The following RHO variants were observed in gnomAD, a reference collection of about 807,000 sequenced individuals.
The protein encoded by RHO is opsin 2, rod pigment.
A neutral mutation model predicts 31.2 loss-of-function variants in RHO; 21 were observed. The ratio of observed to expected loss-of-function variants is 0.67; its 90% confidence interval spans 0.48 to 0.97. The LOEUF (loss-of-function observed/expected upper bound fraction) is 0.97. Ranked by LOEUF, RHO falls within the 50% of genes least tolerant of loss-of-function variation. The pLI, the probability that RHO is intolerant of heterozygous loss-of-function variation, is 0.00. For missense variants in RHO, 414 were observed against 479.5 expected, an observed-to-expected ratio of 0.86 and a Z score of 1.28; for synonymous variants, 211 against 196.6, an observed-to-expected ratio of 1.07 and a Z score of -0.61.
At chr3:129,531,105 G>A in intron 2 of RHO, 61 bp downstream of exon 2, 1 of 1,587,018 alleles carries the variant, frequency 6.3e-7, no homozygotes, top group Non-Finnish European at 8.6e-7. Flanking sequence ...CCTCCAGTCA[G>A]GACTCAAACC....
Position 129,529,006 on chromosome 3 carries a change from C to T in RHO, c.273C>T (p.Phe91=). The T allele has an allele frequency of 1.9e-6, 3 of 1,614,218 alleles. No individual in the cohort carries two copies. The highest frequency in any genetic ancestry group is 4.5e-5 in the East Asian group (2 of 44,872). The change falls in exon 1 of 5, where the codon TTC becomes TTT. Residue 91 remains phenylalanine, a synonymous_variant. Coordinates refer to ENST00000296271, the MANE Select transcript of RHO (RefSeq NM_000539.3). The part of the protein sequence containing the change: ...VADLFMVLGG[F]TSTLYTSLHG... ...ACCTCTTCATGGTCCTAGGTGGCTT[C>T]ACCAGCACCCTCTACACCTCTCTGC...
In RHO at chr3:129,532,814, A is replaced by G; in HGVS notation, c.936+42A>G. On this transcript the variant is annotated intron_variant, in intron 4 of 4. Coordinates refer to ENST00000296271, the MANE Select transcript of RHO (RefSeq NM_000539.3). The surrounding 1 kb of genome is among the most constrained non-coding windows in gnomAD (Gnocchi z 5.5). ...GGAGGGCCCCAGTGCCCCAGGCCAC[A>G]GGCGCTGCCTGCCAAGGACAAGCTA... The G allele has an allele frequency of 6.2e-7, 1 of 1,611,796 alleles. No homozygotes were observed. Among genetic ancestry groups the G allele is most frequent in the Non-Finnish European group, 8.5e-7 (1 of 1,179,874 alleles).
At position 129,533,889 on chromosome 3, in the gene RHO, C is replaced by T; in HGVS notation, c.*171C>T. 1 of 571,366 alleles carries T rather than the reference C, an allele frequency of 1.8e-6. No individual in the cohort carries two copies. The highest frequency in any genetic ancestry group is 2.1e-5 in the South Asian group (1 of 48,102). The allele number at this position is 571,366 out of a possible 1,614,324, so 35.4% of individuals were successfully genotyped here. A position where few individuals can be genotyped will look rare whatever the true frequency, so the allele number is the denominator to read the frequency against. ...ATAATTAATGAGGCTCCTCACTCACCTGGGACAGCCTGAGAAGGGACATCC... is the reference window on the plus strand; with the variant it reads ...ATAATTAATGAGGCTCCTCACTCACTTGGGACAGCCTGAGAAGGGACATCC... On this transcript the variant is annotated 3_prime_UTR_variant, in exon 5 of 5. Coordinates refer to ENST00000296271, the MANE Select transcript of RHO (RefSeq NM_000539.3).
rs1238730903 is a variant in RHO at position 129,533,858 on chromosome 3, T to A, written c.*140T>A. 3.6e-5 allele frequency: 21 copies of A among 576,234 alleles called. No individual in the cohort carries two copies. Among genetic ancestry groups the A allele is most frequent in the Non-Finnish European group, 6.0e-5 (20 of 331,702 alleles). The allele number at this position is 576,234 out of a possible 1,614,324, so 35.7% of individuals were successfully genotyped here. On this transcript the variant is annotated 3_prime_UTR_variant, in exon 5 of 5. Transcript: ENST00000296271. ...GGCTCCTTAATTTTTTTTTTTTTTTTAAGAAATAATTAATGAGGCTCCTCA... is the reference window on the plus strand; with the variant it reads ...GGCTCCTTAATTTTTTTTTTTTTTTAAAGAAATAATTAATGAGGCTCCTCA...
At chr3:129,530,371 G>A (rs533370883) in intron 1 of RHO, among the ~76,000 whole-genome samples, 5 of 152,156 alleles carry the variant, frequency 3.3e-5, no homozygotes, top group South Asian at 4.2e-4. Flanking sequence ...CCTAGGAGAG[G>A]CCCCCACATG....
At chr3:129,533,575 C>A in intron 4 of RHO, 33 bp from the exon 5 acceptor site, 1 of 1,504,316 alleles carries the variant, frequency 6.6e-7, no homozygotes, top group Non-Finnish European at 9.3e-7. Flanking sequence ...CTGTGGGCAG[C>A]CCTGGCCCTG....
chr3:129,529,876 A>T (rs964339101), intron 1 of RHO, among the ~76,000 whole-genome samples: 2 of 152,184 alleles, frequency 1.3e-5, no homozygotes, highest in African/African-American at 2.4e-5. Flanking sequence ...TCATTTAGGG[A>T]TGTGGCCAGG....
chr3:129,530,852 G>C, intron 1 of RHO, 24 bp from the exon 2 acceptor site: 3 of 1,614,176 alleles, frequency 1.9e-6, no homozygotes, highest in Non-Finnish European at 2.5e-6. Flanking sequence ...GGTCTGTGCT[G>C]ACCGCCTGCT....
rs747643955 is a variant in RHO at position 129,530,894 on chromosome 3, CCT to C, written c.381_382del (p.Leu128GlyfsTer13). On this transcript the variant is annotated frameshift_variant, in exon 2 of 5. Transcript: ENST00000296271. LOFTEE classifies it high-confidence loss of function. The stretch of plus-strand genomic sequence containing the variant: ...CTTGCAGGTGAAATTGCCCTGTGGT[CCT>C]TGGTGGTCCTGGCCATCGAGCGGTA... 1.2e-6 allele frequency: 2 copies of C among 1,614,252 alleles called. No individual in the cohort carries two copies. Among genetic ancestry groups the C allele is most frequent in the South Asian group, 2.2e-5 (2 of 91,088 alleles).
At position 129,529,168 on chromosome 3, in the gene RHO, C is replaced by A; in HGVS notation, c.361+74C>A. The A allele has an allele frequency of 2.0e-6, 3 of 1,535,422 alleles. No homozygotes were observed. The South Asian group carries it at 3.6e-5, about 19-fold the overall frequency. On this transcript the variant is annotated intron_variant, in intron 1 of 4. Transcript: ENST00000296271. Reference sequence around the variant, plus strand: ...GGGTCTGGGAGAGTCCCGGGCTTGGCGGTGGTGGCTGAGAGGCCTTCTCCC... The same window carrying A: ...GGGTCTGGGAGAGTCCCGGGCTTGGAGGTGGTGGCTGAGAGGCCTTCTCCC...
In RHO at chr3:129,532,634, G is replaced by A. The variant is rs1399379654; in HGVS notation, c.798G>A (p.Val266=). The A allele has an allele frequency of 1.9e-6, 3 of 1,614,108 alleles. No individual in the cohort carries two copies. In the African/African-American group the frequency reaches 4.0e-5, roughly 22 times the overall value. ...IMVIAFLICW[V]PYASVAFYIF... is the part of the protein sequence containing the mutation. The stretch of plus-strand genomic sequence containing the variant: ...TCATCGCTTTCCTGATCTGCTGGGT[G>A]CCCTACGCCAGCGTGGCATTCTACA... The change falls in exon 4 of 5, where the codon GTG becomes GTA. Residue 266 remains valine (V), a synonymous_variant. Coordinates refer to ENST00000296271, the MANE Select transcript of RHO (RefSeq NM_000539.3). The surrounding 1 kb of genome is among the most constrained non-coding windows in gnomAD (Gnocchi z 5.5).
chr3:129,529,459 ACCAAG>A (rs1056834120), intron 1 of RHO, among the ~76,000 whole-genome samples: 30 of 152,212 alleles, frequency 2.0e-4, no homozygotes, highest in African/African-American at 7.2e-4. Context: ...TGTTTGCAGC[ACCAAG>A]CCTCTGTTTC....
chr3:129,532,879 G>A lies in RHO; in HGVS notation c.936+107G>A. 1.3e-6 allele frequency: 2 copies of A among 1,484,778 alleles called. No homozygotes were observed. The highest frequency in any genetic ancestry group is 1.1e-5 in the South Asian group (1 of 87,720). The allele number at this position is 1,484,778 out of a possible 1,614,324, so 92.0% of individuals were successfully genotyped here. A position where few individuals can be genotyped will look rare whatever the true frequency, so the allele number is the denominator to read the frequency against. ...GGAGGGGGCTCCATCAGGGTTACTG[G>A]CAGCAGTCTTGGGTCAGCAGTCCCA... On this transcript the variant is annotated intron_variant, in intron 4 of 4. Transcript: ENST00000296271. The surrounding 1 kb of genome is among the most constrained non-coding windows in gnomAD (Gnocchi z 5.5).
Position 129,532,432 on chromosome 3 carries a change from T to G in RHO, c.696+16T>G, listed in dbSNP as rs2108750401. Reference sequence around the variant, plus strand: ...CGTCAAGGAGGTACGGGCCGGGGGGTGGGCGGCCTCACGGCTCTGAGGGTC... The same window carrying G: ...CGTCAAGGAGGTACGGGCCGGGGGGGGGGCGGCCTCACGGCTCTGAGGGTC... On this transcript the variant is annotated intron_variant, in intron 3 of 4. Transcript: ENST00000296271. This position sits in a 1 kb window ranked among gnomAD's most constrained non-coding sequence, Gnocchi z 5.5. 2 of 1,612,828 alleles carry G rather than the reference T, an allele frequency of 1.2e-6. No homozygotes were observed. The highest frequency in any genetic ancestry group is 2.2e-5 in the East Asian group (1 of 44,812).
rs921675840 is a variant in RHO, at chr3:129,532,180, AGCGCTCG to A, written c.531-68_531-62del. On this transcript the variant is annotated intron_variant, in intron 2 of 4. Coordinates refer to ENST00000296271, the MANE Select transcript of RHO (RefSeq NM_000539.3). This position sits in a 1 kb window ranked among gnomAD's most constrained non-coding sequence, Gnocchi z 5.5. ...GGAATGTGAAGCCCCAGAAAGGGCC[AGCGCTCG>A]GCAGCCACCTTGGCTGTTCCCAAGT... 101 of 1,292,970 alleles carry A rather than the reference AGCGCTCG, an allele frequency of 7.8e-5. No individual in the cohort carries two copies. Among genetic ancestry groups the A allele is most frequent in the Non-Finnish European group, 1.0e-4 (90 of 889,454 alleles). The allele number at this position is 1,292,970 out of a possible 1,614,324, so 80.1% of individuals were successfully genotyped here.
chr3:129,532,817 C>A lies in RHO; in HGVS notation c.936+45C>A. On this transcript the variant is annotated intron_variant, in intron 4 of 4. Transcript: ENST00000296271. The surrounding 1 kb of genome is among the most constrained non-coding windows in gnomAD (Gnocchi z 5.5). ...GGGCCCCAGTGCCCCAGGCCACAGG[C>A]GCTGCCTGCCAAGGACAAGCTACTT... 1 of 1,611,110 alleles carries A rather than the reference C, an allele frequency of 6.2e-7. No individual in the cohort carries two copies. Among genetic ancestry groups the A allele is most frequent in the Non-Finnish European group, 8.5e-7 (1 of 1,179,780 alleles).
Position 129,528,952 on chromosome 3 carries a change from C to A in RHO, c.219C>A (p.Asn73Lys), listed in dbSNP as rs374902462. 105 of 1,614,146 alleles carry A rather than the reference C, an allele frequency of 6.5e-5. No homozygotes were observed. Among genetic ancestry groups the A allele is most frequent in the Non-Finnish European group, 8.4e-5 (99 of 1,180,050 alleles). The part of the protein sequence containing the change: ...VQHKKLRTPL[N>K]YILLNLAVAD... ...ACAAGAAGCTGCGCACGCCTCTCAACTACATCCTGCTCAACCTAGCCGTGG... is the reference window on the plus strand; with the variant it reads ...ACAAGAAGCTGCGCACGCCTCTCAAATACATCCTGCTCAACCTAGCCGTGG... Residue 73 changes from asparagine to lysine, a missense_variant, in exon 1 of 5, where the codon AAC becomes AAA. By Grantham distance (94) the Asn-to-Lys change is moderately conservative (BLOSUM62 0). Coordinates refer to ENST00000296271, the MANE Select transcript of RHO (RefSeq NM_000539.3).
rs139731264 is a variant in RHO, at chr3:129,531,031, G to A, written c.517G>A (p.Ala173Thr). The A allele has an allele frequency of 6.9e-5, 111 of 1,613,870 alleles. No individual in the cohort carries two copies. The African/African-American group carries it at 1.1e-3, about 15-fold the overall frequency. The change falls in exon 2 of 5, where the codon GCC becomes ACC. Residue 173 changes from alanine (A) to threonine (T), a missense_variant. Transcript: ENST00000296271. ...MALACAAPPL[A>T]GWSRYIPEGL... ...GCTGGCCTGCGCCGCACCCCCACTCGCCGGCTGGTCCAGGTAATGGCACTG... is the reference window on the plus strand; with the variant it reads ...GCTGGCCTGCGCCGCACCCCCACTCACCGGCTGGTCCAGGTAATGGCACTG...
At chr3:129,530,159 T>TA (rs2084768204) in intron 1 of RHO, among the ~76,000 whole-genome samples, 1 of 152,202 alleles carries the variant, frequency 6.6e-6, no homozygotes, top group South Asian at 2.1e-4. Flanking sequence ...GTGTGCCACT[T>TA]ACGGGTGGTT....
Sources: gnomAD v4.1 joint callset for allele counts (sites outside exome capture counted in the v4.1 genomes callset) on GRCh38, gnomAD v4.1.1 for gene constraint, Gnocchi (gnomAD v3.1) non-coding constraint, MANE v1.5 for transcripts, NCBI Gene and HGNC (gene_info 2026-07-23, HGNC 2026-07-21) for gene names.